The following ADGRL3 variants were observed in gnomAD, a reference collection of about 807,000 sequenced individuals.
The protein encoded by ADGRL3 is adhesion G protein-coupled receptor L3.
In ADGRL3, 62 loss-of-function variants were observed where a neutral mutation model predicts 153.5. That is an observed-to-expected ratio of 0.40 (90% CI 0.33 to 0.50). The LOEUF is 0.50. Among genes scored for constraint, ADGRL3 ranks in the 20% least tolerant of loss-of-function variants. The pLI is 0.47. For synonymous variants in ADGRL3, 710 were observed against 672.5 expected, an observed-to-expected ratio of 1.06 and a Z score of -0.86; for missense variants, 1,641 against 1,859.4, an observed-to-expected ratio of 0.88 and a Z score of 2.16.
intron 2 of ADGRL3, among the ~76,000 whole-genome samples, chr4:61,480,431 A>C (rs2098119618): frequency 6.6e-6 from 1 of 152,124 alleles, no homozygotes; most frequent in Non-Finnish European, 1.5e-5. Context: ...CAGTTTGTTA[A>C]TATTCAAAAT....
chr4:61,608,450 C>T lies in ADGRL3; in HGVS notation c.473+21010C>T, dbSNP rs77004196. ...AACTGAATTAAAAACCAAACAAAAC[C>T]CCAAAACAAATAAAAACTGAGGCGA... On this transcript the variant is annotated intron_variant, in intron 5 of 26. Transcript: ENST00000683033. Among the ~76,000 whole-genome samples the T allele has an allele frequency of 3.8e-3, 574 of 152,000 alleles. 15 individuals carry two copies. In the South Asian group the frequency reaches 0.061, roughly 16 times the overall value.
At chr4:61,397,700 T>C (rs2096884098) in intron 2 of ADGRL3, among the ~76,000 whole-genome samples, 1 of 151,810 alleles carries the variant, frequency 6.6e-6, no homozygotes, top group Non-Finnish European at 1.5e-5. Context: ...TGAGAACACA[T>C]AGTATTAGCT....
chr4:61,294,102 G>A (rs1324851472), intron 1 of ADGRL3, among the ~76,000 whole-genome samples: 5 of 152,048 alleles, frequency 3.3e-5, no homozygotes, highest in Non-Finnish European at 7.4e-5. Context: ...AAAATACTTC[G>A]AAATTGGAAT....
chr4:61,214,385 C>G (rs920900988), intron 1 of ADGRL3, among the ~76,000 whole-genome samples: 4 of 152,134 alleles, frequency 2.6e-5, no homozygotes, highest in Admixed American at 6.5e-5. Flanking sequence ...TCTAAAGTAT[C>G]AACTTAATAA....
In ADGRL3 at chr4:62,075,483, A is replaced by G. The variant is rs537640984; in HGVS notation, c.*4575A>G. Reference sequence around the variant, plus strand: ...TTTGAGCAAATCTGAAGATATTGGCATGAATATCCTTTCTTCTCTAAGAAA... The same window carrying G: ...TTTGAGCAAATCTGAAGATATTGGCGTGAATATCCTTTCTTCTCTAAGAAA... On this transcript the variant is annotated 3_prime_UTR_variant, in exon 27 of 27. Coordinates refer to ENST00000683033, the MANE Select transcript of ADGRL3 (RefSeq NM_001387552.1). 6.6e-6 allele frequency: 1 copy of G among 152,346 alleles called. No individual in the cohort carries two copies. Among genetic ancestry groups the G allele is most frequent in the East Asian group, 1.9e-4 (1 of 5,192 alleles). 9.4% of individuals were successfully genotyped at this position (152,346 alleles called of 1,614,324 possible).
chr4:61,235,706 G>GGT (rs1231189486), intron 1 of ADGRL3, among the ~76,000 whole-genome samples: 2 of 152,108 alleles, frequency 1.3e-5, no homozygotes, highest in African/African-American at 4.8e-5. Context: ...ACATCACTAT[G>GGT]GTAAGATAGA....
chr4:61,796,669 G>A (rs1012731767), intron 8 of ADGRL3, among the ~76,000 whole-genome samples: 1 of 151,920 alleles, frequency 6.6e-6, no homozygotes, highest in Non-Finnish European at 1.5e-5. Context: ...TTTTGCTTGA[G>A]TTTTTTTCAT....
chr4:61,767,510 G>A (rs969090754), intron 8 of ADGRL3, among the ~76,000 whole-genome samples: 10 of 152,202 alleles, frequency 6.6e-5, no homozygotes, highest in South Asian at 2.1e-4. Flanking sequence ...CCCGAAGCTC[G>A]GCGTCCGTGA....
chr4:61,486,209 G>T (rs1430528694), intron 2 of ADGRL3, among the ~76,000 whole-genome samples: 1 of 152,098 alleles, frequency 6.6e-6, no homozygotes, highest in Non-Finnish European at 1.5e-5. Flanking sequence ...CTCCCAAAGT[G>T]CTGGGATTAC....
chr4:61,529,173 G>A (rs971730915), intron 4 of ADGRL3, among the ~76,000 whole-genome samples: 2 of 152,084 alleles, frequency 1.3e-5, no homozygotes, highest in Admixed American at 6.6e-5. Context: ...ATGTTCAGCA[G>A]AACTGTATTT....
chr4:61,913,605 G>A (rs574326648), intron 13 of ADGRL3, among the ~76,000 whole-genome samples: 1 of 152,248 alleles, frequency 6.6e-6, no homozygotes, highest in African/African-American at 2.4e-5. Context: ...TTAATTTGCA[G>A]GTGAACATAA....
intron 8 of ADGRL3, among the ~76,000 whole-genome samples, chr4:61,788,398 G>A (rs919315812): frequency 1.3e-5 from 2 of 152,008 alleles, no homozygotes; most frequent in Admixed American, 6.6e-5. Context: ...CCAGAACCCC[G>A]TAGCTCTGCT....
At chr4:61,716,436 C>T (rs369992691) in intron 6 of ADGRL3, among the ~76,000 whole-genome samples, 6 of 152,058 alleles carry the variant, frequency 3.9e-5, no homozygotes, top group Admixed American at 2.0e-4. Context: ...AAGATAAATA[C>T]GTACCGATTT....
intron 2 of ADGRL3, among the ~76,000 whole-genome samples, chr4:61,445,734 C>G (rs142330496): frequency 6.6e-6 from 1 of 152,156 alleles, no homozygotes; most frequent in Non-Finnish European, 1.5e-5. Flanking sequence ...CATTTCTTAG[C>G]CTTAAATGCT....
rs1000254487 is a variant in ADGRL3, at chr4:61,773,576, G to A, written c.1399+40022G>A. Among the ~76,000 whole-genome samples the A allele has an allele frequency of 9.2e-5, 14 of 152,046 alleles. 1 individual carries two copies. Among genetic ancestry groups the A allele is most frequent in the East Asian group, 3.9e-4 (2 of 5,182 alleles). ...TGGCCTATAAGAATAACTGCCATGC[G>A]TTGCAGGTACTGTGCTTATTAAACA... On this transcript the variant is annotated intron_variant, in intron 8 of 26. Coordinates refer to ENST00000683033, the MANE Select transcript of ADGRL3 (RefSeq NM_001387552.1).
chr4:61,254,006 T>C (rs1300593267), intron 1 of ADGRL3, among the ~76,000 whole-genome samples: 1 of 152,180 alleles, frequency 6.6e-6, no homozygotes, highest in Non-Finnish European at 1.5e-5. Context: ...TCTGAGTGTA[T>C]ACATCTTTAT....
At position 61,719,638 on chromosome 4, in the gene ADGRL3, G is replaced by A. The variant is rs112975472; in HGVS notation, c.584-10984G>A. ...TTTTTTTTAAGACAGAGTCTCACCC[G>A]GTCACCCAGGCTAGAGTGCAGTGGC... On this transcript the variant is annotated intron_variant, in intron 6 of 26. Coordinates refer to ENST00000683033, the MANE Select transcript of ADGRL3 (RefSeq NM_001387552.1). Among the ~76,000 whole-genome samples, 14 of 139,122 alleles carry A rather than the reference G, an allele frequency of 1.0e-4. 1 individual carries two copies. Among genetic ancestry groups the A allele is most frequent in the African/African-American group, 2.2e-4 (8 of 36,616 alleles). 91.3% of individuals were successfully genotyped at this position (139,122 alleles called of 152,430 possible). A position where few individuals can be genotyped will look rare whatever the true frequency, so the allele number is the denominator to read the frequency against.
At chr4:61,609,723 G>T (rs551482805) in intron 5 of ADGRL3, among the ~76,000 whole-genome samples, 2 of 151,872 alleles carry the variant, frequency 1.3e-5, no homozygotes, top group African/African-American at 4.8e-5. Flanking sequence ...CCTCGGGCAC[G>T]CCCTGTGTTA....
At chr4:61,644,242 T>C (rs1020569072) in intron 5 of ADGRL3, among the ~76,000 whole-genome samples, 6 of 144,788 alleles carry the variant, frequency 4.1e-5, no homozygotes, top group African/African-American at 1.5e-4. Flanking sequence ...AAAAACCAGC[T>C]CCTGGATTCA....
Sources: gnomAD v4.1 joint callset for allele counts (sites outside exome capture counted in the v4.1 genomes callset) on GRCh38, gnomAD v4.1.1 for gene constraint, MANE v1.5 for transcripts, NCBI Gene and HGNC (gene_info 2026-07-23, HGNC 2026-07-21) for gene names.